The following SCUBE3 variants were observed in gnomAD, a reference collection of about 807,000 sequenced individuals.
SCUBE3 encodes signal peptide, CUB domain and EGF like domain containing 3.
In SCUBE3, 33 loss-of-function variants were observed where a neutral mutation model predicts 116.8. The ratio of observed to expected loss-of-function variants is 0.28; its 90% CI spans 0.21 to 0.38. The LOEUF (loss-of-function observed/expected upper bound fraction) is 0.38. Among genes scored for constraint, SCUBE3 ranks in the 10% least tolerant of loss-of-function variants. The pLI, the probability that SCUBE3 is intolerant of heterozygous loss-of-function variation, is 1.00. For synonymous variants in SCUBE3, 418 were observed against 496.9 expected, an observed-to-expected ratio of 0.84 and a Z score of 2.11; for missense variants, 1,007 against 1,324.8, an observed-to-expected ratio of 0.76 and a Z score of 3.72.
intron 6 of SCUBE3, among the ~76,000 whole-genome samples, chr6:35,237,541 GC>G (rs1216728424): frequency 3.9e-5 from 6 of 152,090 alleles, no homozygotes; most frequent in African/African-American, 1.4e-4. Context: ...TTCCCTGGCA[GC>G]CAGAACCACC....
chr6:35,245,250 G>C lies in SCUBE3; in HGVS notation c.2424G>C (p.Leu808=). Residue 808 remains leucine (L), a synonymous_variant, in exon 19 of 22, where the codon CTG becomes CTC. Coordinates refer to ENST00000274938, the MANE Select transcript of SCUBE3 (RefSeq NM_152753.4). The surrounding 1 kb of genome is among the most constrained non-coding windows in gnomAD (Gnocchi z 4.2). ...CAGATCGTCAGTGTGGTGGGGAGCT[G>C]GGTGAGTTCACTGGCTATATTGAGT... ...QCKNRQCGGE[L]GEFTGYIESP... 1 of 1,614,158 alleles carries C rather than the reference G, an allele frequency of 6.2e-7. No homozygotes were observed. Among genetic ancestry groups the C allele is most frequent in the Non-Finnish European group, 8.5e-7 (1 of 1,180,036 alleles).
rs1317561956 is a variant in SCUBE3 at position 35,245,881 on chromosome 6, C to T, written c.2600-63C>T. 1.5e-5 allele frequency: 24 copies of T among 1,570,448 alleles called. No individual in the cohort carries two copies. Among genetic ancestry groups the T allele is most frequent in the South Asian group, 3.4e-5 (3 of 87,224 alleles). ...CCCCCACCACCAGCTGTACAGCCCA[C>T]GTTCTAGGAGGGCTTGGGTAGCCTG... On this transcript the variant is annotated intron_variant, in intron 19 of 21. Transcript: ENST00000274938. This position sits in a 1 kb window ranked among gnomAD's most constrained non-coding sequence, Gnocchi z 4.2.
At chr6:35,227,471 C>T (rs949822869) in intron 1 of SCUBE3, 109 bp from the exon 2 acceptor site, 2 of 1,169,846 alleles carry the variant, frequency 1.7e-6, no homozygotes, top group Admixed American at 3.5e-5. Flanking sequence ...GAGGGGGTCA[C>T]TGCCTCTGTT....
chr6:35,231,437 A>G lies in SCUBE3; in HGVS notation c.335-288A>G, dbSNP rs1783543785. 6.6e-6 allele frequency among the ~76,000 whole-genome samples: 1 copy of G among 152,128 alleles called. No individual in the cohort carries two copies. Among genetic ancestry groups the G allele is most frequent in the Non-Finnish European group, 1.5e-5 (1 of 68,022 alleles). The stretch of plus-strand genomic sequence containing the variant: ...TTCTTTCCTGGTGTCCTCTGTCTTC[A>G]TACCCAGTTTACACAGGTGAGGGAA... On this transcript the variant is annotated intron_variant, in intron 3 of 21. Coordinates refer to ENST00000274938, the MANE Select transcript of SCUBE3 (RefSeq NM_152753.4). This position sits in a 1 kb window ranked among gnomAD's most constrained non-coding sequence, Gnocchi z 4.2.
intron 1 of SCUBE3, among the ~76,000 whole-genome samples, chr6:35,215,845 C>CCCCACACTGCCTCTTTTCCAGT: frequency 6.6e-6 from 1 of 152,198 alleles, no homozygotes; most frequent in East Asian, 1.9e-4. Flanking sequence ...CACCTTCCAG[C>CCCCACACTGCCTCTTTTCCAGT]CCCACACTGC....
At chr6:35,224,489 G>A (rs1039126557) in intron 1 of SCUBE3, 3 of 152,048 alleles carry the variant, frequency 2.0e-5, no homozygotes. Flanking sequence ...TTAGCCAAGT[G>A]TGGTGGCACA....
chr6:35,252,703 C>T lies in SCUBE3; in HGVS notation c.*3998C>T, dbSNP rs907463404. ...CCCTATCCTTGTGCCATTATTTGTA[C>T]AAGGAAATATATGATTAGAAGGAAT... is the stretch of plus-strand genomic sequence containing the variant. On this transcript the variant is annotated 3_prime_UTR_variant, in exon 22 of 22. Transcript: ENST00000274938. 6.6e-6 allele frequency: 1 copy of T among 152,248 alleles called. No homozygotes were observed. The highest frequency in any genetic ancestry group is 1.5e-5 in the Non-Finnish European group (1 of 68,014). 9.4% of individuals were successfully genotyped at this position (152,248 alleles called of 1,614,324 possible).
intron 14 of SCUBE3, 92 bp downstream of exon 14, chr6:35,242,872 G>T: frequency 6.5e-7 from 1 of 1,535,756 alleles, no homozygotes; most frequent in Non-Finnish European, 9.0e-7. Context: ...AAGGGATGGA[G>T]CCTGTACTAG....
chr6:35,229,029 C>G (rs1783430079), intron 3 of SCUBE3, among the ~76,000 whole-genome samples: 1 of 152,150 alleles, frequency 6.6e-6, no homozygotes, highest in Non-Finnish European at 1.5e-5. Context: ...TTTGGCTCCA[C>G]ACAGATATCT....
rs200532822 is a variant in SCUBE3 at position 35,248,753 on chromosome 6, G to A, written c.*48G>A. 2.0e-5 allele frequency: 31 copies of A among 1,538,750 alleles called. No homozygotes were observed. In the East Asian group the frequency reaches 6.8e-4, roughly 34 times the overall value. Reference sequence around the variant, plus strand: ...ATTTTTTAAGCCCCCAGACTCCTTAGCCCTCAGAGCCGGCAGCCCCCTACC... The same window carrying A: ...ATTTTTTAAGCCCCCAGACTCCTTAACCCTCAGAGCCGGCAGCCCCCTACC... On this transcript the variant is annotated 3_prime_UTR_variant, in exon 22 of 22. Transcript: ENST00000274938.
At chr6:35,246,419 A>G (rs1784340629) in intron 21 of SCUBE3, 134 bp downstream of exon 21, 7 of 678,762 alleles carry the variant, frequency 1.0e-5, no homozygotes, top group Non-Finnish European at 1.2e-5. Flanking sequence ...TGCTTTCTCC[A>G]TTGCTTCTTT....
At position 35,238,752 on chromosome 6, in the gene SCUBE3, G is replaced by A. The variant is rs541598519; in HGVS notation, c.829+734G>A. On this transcript the variant is annotated intron_variant, in intron 7 of 21. Transcript: ENST00000274938. ...AATTAGCCAGGTCTGAGGGAGAATG[G>A]GGGGAAAGGGTGGAGGAAAAAGGCA... Among the ~76,000 whole-genome samples the A allele has an allele frequency of 4.4e-3, 676 of 152,324 alleles. 5 individuals carry two copies. Among genetic ancestry groups the A allele is most frequent in the Middle Eastern group, 0.027 (8 of 294 alleles).
chr6:35,244,230 C>A lies in SCUBE3; in HGVS notation c.2239+100C>A. ...GGGGACACTGACCCACCATTTTCTC[C>A]AAACCAGTAATGGGCCCAGCTACTT... On this transcript the variant is annotated intron_variant, in intron 17 of 21. Coordinates refer to ENST00000274938, the MANE Select transcript of SCUBE3 (RefSeq NM_152753.4). This position sits in a 1 kb window ranked among gnomAD's most constrained non-coding sequence, Gnocchi z 4.3. 1 of 1,086,546 alleles carries A rather than the reference C, an allele frequency of 9.2e-7. No homozygotes were observed. Among genetic ancestry groups the A allele is most frequent in the Non-Finnish European group, 1.3e-6 (1 of 754,968 alleles). The allele number at this position is 1,086,546 out of a possible 1,614,324, so 67.3% of individuals were successfully genotyped here. A position where few individuals can be genotyped will look rare whatever the true frequency, so the allele number is the denominator to read the frequency against.
At chr6:35,218,188 C>T (rs372853729) in intron 1 of SCUBE3, 17 of 981,026 alleles carry the variant, frequency 1.7e-5, no homozygotes, top group Non-Finnish European at 2.1e-5. Context: ...TAAGAGGAGC[C>T]GGCCCTGGGT....
chr6:35,223,013 C>A (rs1164940532), intron 1 of SCUBE3: 1 of 152,068 alleles, frequency 6.6e-6, no homozygotes, highest in East Asian at 1.9e-4. Context: ...ATAGCAAGAC[C>A]CTGCCTCTAA....
rs867975565 is a variant in SCUBE3 at position 35,249,083 on chromosome 6, G to A, written c.*378G>A. The A allele has an allele frequency of 4.4e-5, 8 of 179,884 alleles. No individual in the cohort carries two copies. The highest frequency in any genetic ancestry group is 8.2e-5 in the Non-Finnish European group (7 of 85,750). The allele number at this position is 179,884 out of a possible 1,614,324, so 11.1% of individuals were successfully genotyped here. On this transcript the variant is annotated 3_prime_UTR_variant, in exon 22 of 22. Transcript: ENST00000274938. ...CAAGGAAGTGGGTCTGGTGGGAAAC[G>A]GGGAGGGGAAAGAAGGGCTTCTGCC...
chr6:35,228,736 C>T lies in SCUBE3; in HGVS notation c.331C>T (p.Leu111=). The change falls in exon 3 of 22, where the codon CTG becomes TTG. Residue 111 remains leucine (L), a synonymous_variant. Transcript: ENST00000274938. This position sits in a 1 kb window ranked among gnomAD's most constrained non-coding sequence, Gnocchi z 4.9. The part of the protein sequence containing the change: ...FHLAHDGHNC[L]DVDECAEGNG... ...CCTGGCACATGACGGACACAACTGT[C>T]TGGGTAAGCAAAGGAGAGGGGATTT... 2 of 1,614,048 alleles carry T rather than the reference C, an allele frequency of 1.2e-6. No homozygotes were observed. The highest frequency in any genetic ancestry group is 8.5e-7 in the Non-Finnish European group (1 of 1,179,948).
chr6:35,221,743 C>G (rs942813003), intron 1 of SCUBE3: 4 of 152,182 alleles, frequency 2.6e-5, no homozygotes, highest in African/African-American at 9.7e-5. Context: ...GCTCCTACTG[C>G]TTCAGTAGGA....
chr6:35,220,126 G>A (rs1783068177), intron 1 of SCUBE3, among the ~76,000 whole-genome samples: 1 of 152,206 alleles, frequency 6.6e-6, no homozygotes, highest in African/African-American at 2.4e-5. Flanking sequence ...GCTGAACTAA[G>A]TGCTGAGGTG....
Sources: gnomAD v4.1 joint callset for allele counts (sites outside exome capture counted in the v4.1 genomes callset) on GRCh38, gnomAD v4.1.1 for gene constraint, Gnocchi (gnomAD v3.1) non-coding constraint, MANE v1.5 for transcripts, NCBI Gene and HGNC (gene_info 2026-07-23, HGNC 2026-07-21) for gene names.